The following OPCML variants were observed in gnomAD, a reference collection of about 807,000 sequenced individuals.
OPCML encodes the protein opioid binding protein/cell adhesion molecule like.
Under a neutral mutation model 37.8 loss-of-function variants are expected in OPCML, and 13 were observed. The ratio of observed to expected loss-of-function variants is 0.34; its 90% confidence interval spans 0.22 to 0.55. The LOEUF (loss-of-function observed/expected upper bound fraction) is 0.55, where lower values mean the gene tolerates loss of function less well. Among genes scored for constraint, OPCML ranks in the 20% least tolerant of loss-of-function variants. The probability of loss-of-function intolerance (pLI) is 0.91; values close to 1 mark genes in which losing one functional copy is unlikely to be tolerated. For missense variants in OPCML, 341 were observed against 435.6 expected (o/e 0.78, Z 1.93); for synonymous variants, 176 against 168.8 (o/e 1.04, Z -0.33).
chr11:133,419,746 A>G (rs554126204), intron 1 of OPCML, among the ~76,000 whole-genome samples: 1 of 152,352 alleles, frequency 6.6e-6, no homozygotes, highest in Admixed American at 6.5e-5. Context: ...CATAGAGAAA[A>G]TGTTAATAAT....
At chr11:133,479,679 C>T (rs1396808218) in intron 1 of OPCML, among the ~76,000 whole-genome samples, 3 of 152,192 alleles carry the variant, frequency 2.0e-5, no homozygotes, top group Non-Finnish European at 4.4e-5. Context: ...TGAGTGGGGT[C>T]CTCACCCATT....
intron 1 of OPCML, chr11:133,361,147 A>G (rs979960167): frequency 6.6e-6 from 1 of 152,258 alleles, no homozygotes; most frequent in African/African-American, 2.4e-5. Context: ...CCGCTTGACC[A>G]CCAAGCCGGC....
At chr11:133,244,588 G>A (rs2136418827) in intron 1 of OPCML, among the ~76,000 whole-genome samples, 1 of 152,276 alleles carries the variant, frequency 6.6e-6, no homozygotes, top group South Asian at 2.1e-4. Flanking sequence ...GGCCTCGTGG[G>A]AGGGGAATGG....
chr11:132,959,425 T>G (rs1480016639), intron 1 of OPCML, among the ~76,000 whole-genome samples: 1 of 152,350 alleles, frequency 6.6e-6, no homozygotes, highest in South Asian at 2.1e-4. Flanking sequence ...TCCCATGAAC[T>G]TAGCTGATAA....
At chr11:133,522,590 C>A (rs535834006) in intron 1 of OPCML, among the ~76,000 whole-genome samples, 3 of 152,146 alleles carry the variant, frequency 2.0e-5, no homozygotes, top group Middle Eastern at 3.2e-3. Flanking sequence ...CAAGGGAACA[C>A]AGTAATGGTC....
chr11:132,762,291 A>G (rs1008007524), intron 2 of OPCML, among the ~76,000 whole-genome samples: 1 of 152,342 alleles, frequency 6.6e-6, no homozygotes, highest in African/African-American at 2.4e-5. Flanking sequence ...CATGGGGGTC[A>G]GGGACCCACT....
At chr11:133,266,859 C>G (rs1184628073) in intron 1 of OPCML, among the ~76,000 whole-genome samples, 5 of 152,120 alleles carry the variant, frequency 3.3e-5, no homozygotes, top group African/African-American at 1.2e-4. Flanking sequence ...TTTTTCTGTG[C>G]TGGAGAGCTT....
chr11:133,309,569 T>A (rs1230221761), intron 1 of OPCML, among the ~76,000 whole-genome samples: 1 of 152,220 alleles, frequency 6.6e-6, no homozygotes, highest in East Asian at 1.9e-4. Flanking sequence ...GAACTGAACA[T>A]GGCATTTATG....
At chr11:133,522,869 C>A (rs766966938) in intron 1 of OPCML, among the ~76,000 whole-genome samples, 2 of 152,142 alleles carry the variant, frequency 1.3e-5, no homozygotes, top group Admixed American at 6.5e-5. Context: ...AAATAAATTA[C>A]TGCAATTTAA....
intron 2 of OPCML, among the ~76,000 whole-genome samples, chr11:132,688,956 C>CAAAAAAAAAAAAAAAAAAAAA (rs749705629): frequency 6.9e-5 from 1 of 14,446 alleles, no homozygotes; most frequent in African/African-American, 2.6e-4. Flanking sequence ...GACTCCGTCT[C>CAAAAAAAAAAAAAAAAAAAAA]AAAAAAAAAA....
At chr11:132,597,851 G>T (rs1242005214) in intron 3 of OPCML, among the ~76,000 whole-genome samples, 1 of 152,140 alleles carries the variant, frequency 6.6e-6, no homozygotes, top group Non-Finnish European at 1.5e-5. Context: ...TATGCGTGTT[G>T]TTTAACACAT....
Position 133,487,829 on chromosome 11 carries a change from C to A in OPCML, c.61+44435G>T, listed in dbSNP as rs1003458364. 9.9e-5 allele frequency among the ~76,000 whole-genome samples: 15 copies of A among 151,424 alleles called. 1 individual carries two copies. The highest frequency in any genetic ancestry group is 2.9e-5 in the Non-Finnish European group (2 of 67,824). On this transcript the variant is annotated intron_variant, in intron 1 of 7. Transcript: ENST00000524381. Reference sequence around the variant, plus strand: ...CGTGTGTGTAAATTTAAAGTAATCCCAATCAGAATCTCAGTGATGTTGGTG... The same window carrying A: ...CGTGTGTGTAAATTTAAAGTAATCCAAATCAGAATCTCAGTGATGTTGGTG...
At chr11:133,409,725 A>T (rs1945603977) in intron 1 of OPCML, among the ~76,000 whole-genome samples, 1 of 152,136 alleles carries the variant, frequency 6.6e-6, no homozygotes, top group African/African-American at 2.4e-5. Flanking sequence ...TCTGGAGTTA[A>T]CTTCTTAATC....
intron 1 of OPCML, among the ~76,000 whole-genome samples, chr11:133,414,983 G>A (rs74396786): frequency 0.08 from 12,202 of 152,120 alleles, 1,413 homozygotes; most frequent in African/African-American, 0.25. Context: ...ATCAAAACCC[G>A]CCTCAACAAC....
chr11:132,495,810 G>A (rs188192430), intron 4 of OPCML, among the ~76,000 whole-genome samples: 16 of 151,494 alleles, frequency 1.1e-4, no homozygotes, highest in African/African-American at 3.6e-4. Context: ...TGGGAGAATG[G>A]TGTGAACCCA....
intron 3 of OPCML, among the ~76,000 whole-genome samples, chr11:132,620,641 C>T (rs149995631): frequency 1.0e-3 from 155 of 152,278 alleles, no homozygotes; most frequent in African/African-American, 3.4e-3. Context: ...TCTGCTCAGC[C>T]ATGCAGGATG....
At chr11:132,588,243 G>A (rs745967894) in intron 3 of OPCML, among the ~76,000 whole-genome samples, 7 of 151,998 alleles carry the variant, frequency 4.6e-5, no homozygotes, top group South Asian at 4.2e-4. Context: ...TCCCATGTCC[G>A]GTTTTAATAG....
intron 1 of OPCML, among the ~76,000 whole-genome samples, chr11:133,516,918 T>G (rs1159834055): frequency 3.9e-5 from 6 of 152,228 alleles, no homozygotes; most frequent in Non-Finnish European, 8.8e-5. Context: ...GTAGCATTGT[T>G]GAAGAACACT....
chr11:133,495,227 C>T (rs796514083), intron 1 of OPCML, among the ~76,000 whole-genome samples: 4 of 152,332 alleles, frequency 2.6e-5, no homozygotes, highest in African/African-American at 9.6e-5. Flanking sequence ...ACTGCAAATG[C>T]CATTAATTCA....
Sources: allele counts gnomAD v4.1 joint callset (sites outside exome capture counted in the v4.1 genomes callset), GRCh38; gene constraint gnomAD v4.1.1; transcripts MANE v1.5; gene names NCBI Gene and HGNC (gene_info 2026-07-23, HGNC 2026-07-21).